Variants in ZMYND10 observed in about 807,000 individuals in gnomAD.
The protein encoded by ZMYND10 is zinc finger MYND domain-containing protein 10.
Under a neutral mutation model 62.6 loss-of-function variants are expected in ZMYND10, and 52 were observed. The ratio of observed to expected loss-of-function variants is 0.83; its 90% CI spans 0.67 to 1.05. The LOEUF (loss-of-function observed/expected upper bound fraction) is 1.05. ZMYND10 is among the 50% of genes least tolerant of loss of function. The pLI is 0.00. For synonymous variants in ZMYND10, 197 were observed against 218.5 expected (o/e 0.90, Z 0.87); for missense variants, 438 against 543.3 (o/e 0.81, Z 1.93).
rs200370971 is a variant in ZMYND10, at chr3:50,342,148, G to C, written c.874-8C>G. The C allele has an allele frequency of 7.5e-6, 12 of 1,607,374 alleles. No individual in the cohort carries two copies. The East Asian group carries it at 2.2e-4, about 30-fold the overall frequency. On this transcript the variant is annotated splice_polypyrimidine_tract_variant and splice_region_variant and intron_variant, in intron 8 of 11. Transcript: ENST00000231749. Reference sequence around the variant, plus strand: ...TGTGAGGAAGGCCCGAAGCTGCAAGGGTGTCCAGTGGAGGCCAGTGTGATG... The same window carrying C: ...TGTGAGGAAGGCCCGAAGCTGCAAGCGTGTCCAGTGGAGGCCAGTGTGATG...
intron 2 of ZMYND10, among the ~76,000 whole-genome samples, chr3:50,344,503 G>A (rs587725968): frequency 1.3e-5 from 2 of 151,870 alleles, no homozygotes; most frequent in East Asian, 3.9e-4. Flanking sequence ...ATTTTTAGTA[G>A]AGGTGGGGTT....
In ZMYND10 at chr3:50,343,815, C is replaced by T. The variant is rs1370215489; in HGVS notation, c.237G>A (p.Glu79=). The T allele has an allele frequency of 1.2e-6, 2 of 1,614,218 alleles. No homozygotes were observed. The highest frequency in any genetic ancestry group is 1.7e-6 in the Non-Finnish European group (2 of 1,180,040). ...PTLVEELIAV[E]MWKQKVFPVF... The stretch of plus-strand genomic sequence containing the variant: ...CAGGGAACACCTTCTGCTTCCACAT[C>T]TCCACTGCGATCAGCTCCTCCACCA... The change falls in exon 3 of 12, where the codon GAG becomes GAA. Residue 79 remains glutamate, a synonymous_variant. Coordinates refer to ENST00000231749, the MANE Select transcript of ZMYND10 (RefSeq NM_015896.4).
chr3:50,343,555 T>C lies in ZMYND10; in HGVS notation c.372+8A>G. The C allele has an allele frequency of 1.9e-6, 3 of 1,614,142 alleles. No homozygotes were observed. The highest frequency in any genetic ancestry group is 2.5e-6 in the Non-Finnish European group (3 of 1,180,024). On this transcript the variant is annotated splice_region_variant and intron_variant, in intron 4 of 11. Transcript: ENST00000231749. ...AACTGTGGCCCATGGGCAGAGATAG[T>C]CCCTCACCTTGTGGAAGAACACTGT...
Position 50,343,105 on chromosome 3 carries a change from T to C in ZMYND10, c.599+13A>G. 6.2e-7 allele frequency: 1 copy of C among 1,614,170 alleles called. No individual in the cohort carries two copies. Among genetic ancestry groups the C allele is most frequent in the South Asian group, 1.1e-5 (1 of 91,088 alleles). On this transcript the variant is annotated intron_variant, in intron 6 of 11. Transcript: ENST00000231749. ...CCCTCCACAGTAGGCCCAGGCCCAG[T>C]CGGACTGCTCACCTGTCCACACAGT...
Position 50,343,785 on chromosome 3 carries a change from G to A in ZMYND10, c.267C>T (p.Phe89=), listed in dbSNP as rs774693838. The change falls in exon 3 of 12, where the codon TTC becomes TTT. Residue 89 remains phenylalanine (F), a synonymous_variant. Coordinates refer to ENST00000231749, the MANE Select transcript of ZMYND10 (RefSeq NM_015896.4). ...EMWKQKVFPV[F]CRVEDFKPQN... is the part of the protein sequence containing the mutation. ...GGGGCTTGAAGTCCTCCACCCTGCA[G>A]AACACAGGGAACACCTTCTGCTTCC... is the stretch of plus-strand genomic sequence containing the variant. 6 of 1,614,060 alleles carry A rather than the reference G, an allele frequency of 3.7e-6. No homozygotes were observed. In the South Asian group the frequency reaches 5.5e-5, roughly 15 times the overall value.
At chr3:50,344,039 A>C (rs1703466738) in intron 2 of ZMYND10, 189 bp from the exon 3 acceptor site, 1 of 591,088 alleles carries the variant, frequency 1.7e-6, no homozygotes. Flanking sequence ...TGCTCCCAAC[A>C]CCTCTGTGGA....
intron 2 of ZMYND10, chr3:50,344,904 A>G: frequency 2.0e-6 from 1 of 497,494 alleles, no homozygotes; most frequent in Non-Finnish European, 3.7e-6. Context: ...TCTAGGACCT[A>G]CAGCTTTCTC....
chr3:50,343,578 T>A lies in ZMYND10; in HGVS notation c.357A>T (p.Thr119=), dbSNP rs745366928. Residue 119 remains threonine (T), a synonymous_variant, in exon 4 of 12, where the codon ACA becomes ACT. Transcript: ENST00000231749. ...AGTCCCTCACCTTGTGGAAGAACAC[T>A]GTCTCCAAGAGGTTGATGATGGAGG... ...HEASIINLLE[T]VFFHKEVCES... 1 of 1,614,140 alleles carries A rather than the reference T, an allele frequency of 6.2e-7. No individual in the cohort carries two copies. The highest frequency in any genetic ancestry group is 1.1e-5 in the South Asian group (1 of 91,078).
Position 50,345,141 on chromosome 3 carries a change from G to A in ZMYND10, c.184C>T (p.Leu62=). The A allele has an allele frequency of 6.2e-7, 1 of 1,613,936 alleles. No homozygotes were observed. Among genetic ancestry groups the A allele is most frequent in the Non-Finnish European group, 8.5e-7 (1 of 1,179,928 alleles). ...VSQGEPIQEL[L]VTHGKVPTLV... ...CGGGGTACCTTCCCATGGGTGACCA[G>A]CAGCTCCTGAATGGGCTCGCCCTGG... Residue 62 remains leucine (L), a synonymous_variant, in exon 2 of 12, where the codon CTG becomes TTG. Transcript: ENST00000231749. The surrounding 1 kb of genome is among the most constrained non-coding windows in gnomAD (Gnocchi z 5.0).
In ZMYND10 at chr3:50,345,037, A is replaced by G. The variant is rs947390246; in HGVS notation, c.201+87T>C. On this transcript the variant is annotated intron_variant, in intron 2 of 11. Coordinates refer to ENST00000231749, the MANE Select transcript of ZMYND10 (RefSeq NM_015896.4). This position sits in a 1 kb window ranked among gnomAD's most constrained non-coding sequence, Gnocchi z 5.0. ...AGGGAGAACAGGTGTACCAGGCCAGAGGGGAAGGGCACACAGGGGACTCCG... is the reference window on the plus strand; with the variant it reads ...AGGGAGAACAGGTGTACCAGGCCAGGGGGGAAGGGCACACAGGGGACTCCG... The G allele has an allele frequency of 1.6e-5, 18 of 1,100,000 alleles. No individual in the cohort carries two copies. Among genetic ancestry groups the G allele is most frequent in the Non-Finnish European group, 2.3e-5 (17 of 737,852 alleles). 68.1% of individuals were successfully genotyped at this position (1,100,000 alleles called of 1,614,324 possible).
Position 50,341,932 on chromosome 3 carries a change from C to G in ZMYND10, c.1000-1G>C. 7 of 1,614,176 alleles carry G rather than the reference C, an allele frequency of 4.3e-6. No homozygotes were observed. Among genetic ancestry groups the G allele is most frequent in the Non-Finnish European group, 5.9e-6 (7 of 1,180,010 alleles). ...CCAGCCGCTCCCAGATTTCTGGGAT[C>G]TAGGAGAGAGAAGTGGAGAGTGGCA... On this transcript the variant is annotated splice_acceptor_variant, in intron 9 of 11. Transcript: ENST00000231749. LOFTEE classifies it high-confidence loss of function.
chr3:50,342,714 A>C, intron 7 of ZMYND10, 145 bp from the exon 8 acceptor site: 1 of 1,469,438 alleles, frequency 6.8e-7, no homozygotes, highest in Non-Finnish European at 9.0e-7. Context: ...TGCTGACCCC[A>C]GAGCAGGGTG....
chr3:50,342,872 C>A, intron 7 of ZMYND10, 46 bp downstream of exon 7: 1 of 1,600,176 alleles, frequency 6.2e-7, no homozygotes, highest in South Asian at 1.1e-5. Context: ...AAAAAGATAC[C>A]CTGAAGCAGT....
intron 2 of ZMYND10, chr3:50,344,134 G>C (rs956786421): frequency 1.2e-5 from 5 of 428,050 alleles, no homozygotes; most frequent in African/African-American, 4.0e-5. Flanking sequence ...TCCTCTGCCC[G>C]CCCATTCAGG....
At position 50,345,057 on chromosome 3, in the gene ZMYND10, A is replaced by C; in HGVS notation, c.201+67T>G. On this transcript the variant is annotated intron_variant, in intron 2 of 11. Transcript: ENST00000231749. The surrounding 1 kb of genome is among the most constrained non-coding windows in gnomAD (Gnocchi z 5.0). ...GCCAGAGGGGAAGGGCACACAGGGGACTCCGGAGGGGTAGAGTAGGTGAGG... is the reference window on the plus strand; with the variant it reads ...GCCAGAGGGGAAGGGCACACAGGGGCCTCCGGAGGGGTAGAGTAGGTGAGG... The C allele has an allele frequency of 4.5e-5, 60 of 1,322,440 alleles. No individual in the cohort carries two copies. The highest frequency in any genetic ancestry group is 6.0e-5 in the Non-Finnish European group (56 of 929,818). The allele number at this position is 1,322,440 out of a possible 1,614,324, so 81.9% of individuals were successfully genotyped here.
In ZMYND10 at chr3:50,341,893, T is replaced by C; in HGVS notation, c.1038A>G (p.Arg346=). ...EIWERLEREN[R]GKWQAIAKHQ... is the part of the protein sequence containing the mutation. ...GCTTGGCAATTGCCTGCCACTTGCC[T>C]CTGTTTTCTCGCTCCAGCCGCTCCC... Residue 346 remains arginine (R), a synonymous_variant, in exon 10 of 12, where the codon AGA becomes AGG. Transcript: ENST00000231749. 2 of 1,614,186 alleles carry C rather than the reference T, an allele frequency of 1.2e-6. No individual in the cohort carries two copies. The highest frequency in any genetic ancestry group is 1.7e-6 in the Non-Finnish European group (2 of 1,180,040).
chr3:50,345,412 C>T lies in ZMYND10; in HGVS notation c.92+76G>A. The T allele has an allele frequency of 1.3e-6, 2 of 1,540,288 alleles. No individual in the cohort carries two copies. The highest frequency in any genetic ancestry group is 2.4e-5 in the South Asian group (2 of 83,402). ...GGGAGCCCCTCCACACTGGGCAGCC[C>T]CTCCCCCGAGTCAGGCCCCAGCTCC... On this transcript the variant is annotated intron_variant, in intron 1 of 11. Coordinates refer to ENST00000231749, the MANE Select transcript of ZMYND10 (RefSeq NM_015896.4). This position sits in a 1 kb window ranked among gnomAD's most constrained non-coding sequence, Gnocchi z 5.0.
In ZMYND10 at chr3:50,343,714, G is replaced by T. The variant is rs1433283436; in HGVS notation, c.318+20C>A. The T allele has an allele frequency of 6.2e-7, 1 of 1,613,832 alleles. No homozygotes were observed. The highest frequency in any genetic ancestry group is 8.5e-7 in the Non-Finnish European group (1 of 1,179,842). On this transcript the variant is annotated intron_variant, in intron 3 of 11. Transcript: ENST00000231749. ...CCTCTGAAGGAGTGAGAAGAGGTAT[G>T]AACCAGGGGCCCAGCTCACCACCAT...
At chr3:50,342,234 G>A in intron 8 of ZMYND10, 94 bp from the exon 9 acceptor site, 1 of 1,581,536 alleles carries the variant, frequency 6.3e-7, no homozygotes, top group Non-Finnish European at 8.6e-7. Flanking sequence ...GAATGCCTGT[G>A]GGGGCCCATG....
Sources: allele counts gnomAD v4.1 joint callset (sites outside exome capture counted in the v4.1 genomes callset), GRCh38; gene constraint gnomAD v4.1.1; non-coding constraint Gnocchi (gnomAD v3.1); transcripts MANE v1.5; gene names NCBI Gene and HGNC (gene_info 2026-07-23, HGNC 2026-07-21).